HIVEP3: variants seen among roughly 807,000 people sequenced by gnomAD.
HIVEP3 encodes the protein transcription factor HIVEP3.
HIVEP3 carries 49 observed loss-of-function variants against 152.8 expected under a neutral mutation model. That is an observed-to-expected ratio of 0.32 (90% confidence interval 0.26 to 0.41). HIVEP3 has a LOEUF of 0.41. Among genes scored for constraint, HIVEP3 ranks in the 10% least tolerant of loss-of-function variants. The pLI is 1.00. For synonymous variants in HIVEP3, 1,269 were observed against 1,289.0 expected (o/e 0.98, Z 0.33); for missense variants, 2,790 against 3,103.3 (o/e 0.90, Z 2.40).
intron 1 of HIVEP3, among the ~76,000 whole-genome samples, chr1:41,721,238 A>G (rs921026976): frequency 6.7e-6 from 1 of 150,058 alleles, no homozygotes; most frequent in Non-Finnish European, 1.5e-5. Flanking sequence ...TTTCAGTTTC[A>G]CTATTGTCGC....
At chr1:41,723,500 AC>A (rs1378685976) in intron 1 of HIVEP3, among the ~76,000 whole-genome samples, 1,198 of 102,552 alleles carry the variant, frequency 0.012, 15 homozygotes, top group African/African-American at 0.07. Flanking sequence ...ACACACAGCC[AC>A]CACACACACA....
At chr1:41,649,268 G>A (rs1320142563) in intron 2 of HIVEP3, among the ~76,000 whole-genome samples, 1 of 152,222 alleles carries the variant, frequency 6.6e-6, no homozygotes, top group Non-Finnish European at 1.5e-5. Flanking sequence ...GGTAACACAT[G>A]TGGAAACACT....
upstream of HIVEP3, among the ~76,000 whole-genome samples, chr1:41,922,375 C>A (rs1343054191): frequency 1.3e-5 from 2 of 152,194 alleles, no homozygotes; most frequent in Non-Finnish European, 2.9e-5. Context: ...ATTCTACCAG[C>A]TGCCAAACTA....
chr1:41,750,965 C>T (rs536779949), intron 1 of HIVEP3, among the ~76,000 whole-genome samples: 14 of 152,238 alleles, frequency 9.2e-5, no homozygotes, highest in African/African-American at 2.7e-4. Flanking sequence ...CCATCCATCT[C>T]GGCCTCCCAA....
intron 1 of HIVEP3, among the ~76,000 whole-genome samples, chr1:42,013,210 T>G (rs1645503304): frequency 6.6e-6 from 1 of 152,156 alleles, no homozygotes; most frequent in Non-Finnish European, 1.5e-5. Flanking sequence ...GTGTCCAAAT[T>G]TCTACTTTTT....
chr1:41,885,952 C>CAGTG (rs778843308), intron 1 of HIVEP3, among the ~76,000 whole-genome samples: 35 of 152,266 alleles, frequency 2.3e-4, no homozygotes, highest in Non-Finnish European at 4.9e-4. Flanking sequence ...AGGCTCAGAG[C>CAGTG]AGTGAGGTGC....
At chr1:41,648,522 T>C (rs1045405133) in intron 2 of HIVEP3, among the ~76,000 whole-genome samples, 3 of 152,180 alleles carry the variant, frequency 2.0e-5, no homozygotes, top group Non-Finnish European at 4.4e-5. Flanking sequence ...ACAGAGATGA[T>C]CAATAGCAAA....
intron 1 of HIVEP3, among the ~76,000 whole-genome samples, chr1:41,768,395 C>G (rs1276719944): frequency 6.6e-6 from 1 of 152,226 alleles, no homozygotes; most frequent in Non-Finnish European, 1.5e-5. Context: ...CACCAGGTTC[C>G]TCCCATGACA....
rs189655590 is a variant in HIVEP3 at position 42,009,225 on chromosome 1, T to C, written n.119+26582A>G. Among the ~76,000 whole-genome samples the C allele has an allele frequency of 1.2e-3, 178 of 152,354 alleles. 1 individual carries two copies. The highest frequency in any genetic ancestry group is 1.3e-3 in the Non-Finnish European group (91 of 68,028). ...TTATGCCATTGTCTACTGGTATCTATTGTATCGATTACTGAAGTAATATGT... is the reference window on the plus strand; with the variant it reads ...TTATGCCATTGTCTACTGGTATCTACTGTATCGATTACTGAAGTAATATGT... On this transcript the variant is annotated intron_variant and non_coding_transcript_variant, in intron 1 of 3. Coordinates refer to the HIVEP3 transcript ENST00000489103.
chr1:41,882,636 A>G (rs1644281032), intron 1 of HIVEP3, among the ~76,000 whole-genome samples: 1 of 152,228 alleles, frequency 6.6e-6, no homozygotes, highest in African/African-American at 2.4e-5. Flanking sequence ...CATACCACCC[A>G]TCACATTGGA....
At chr1:41,602,486 A>G (rs1453763587) in intron 3 of HIVEP3, among the ~76,000 whole-genome samples, 2 of 152,088 alleles carry the variant, frequency 1.3e-5, no homozygotes, top group East Asian at 1.9e-4. Context: ...TTTTTCTGGG[A>G]ACATATCCAT....
At chr1:41,592,868 C>T (rs928753753) in intron 3 of HIVEP3, among the ~76,000 whole-genome samples, 9 of 152,196 alleles carry the variant, frequency 5.9e-5, no homozygotes, top group Non-Finnish European at 1.3e-4. Flanking sequence ...CCCAGGGATC[C>T]GCATGTATCC....
At chr1:41,985,560 G>A (rs1316018899) in intron 1 of HIVEP3, among the ~76,000 whole-genome samples, 2 of 152,112 alleles carry the variant, frequency 1.3e-5, no homozygotes, top group Non-Finnish European at 1.5e-5. Context: ...CCATCATGAG[G>A]GCGGATTAAT....
intron 1 of HIVEP3, among the ~76,000 whole-genome samples, chr1:41,836,560 C>A (rs537067381): frequency 1.3e-5 from 2 of 152,328 alleles, no homozygotes; most frequent in South Asian, 4.1e-4. Flanking sequence ...TCTCAGTTCC[C>A]ACAGCAAGAG....
chr1:41,832,139 C>T (rs985248257), intron 1 of HIVEP3, among the ~76,000 whole-genome samples: 1 of 152,332 alleles, frequency 6.6e-6, no homozygotes, highest in Non-Finnish European at 1.5e-5. Context: ...ATGGCTCAGG[C>T]TTTCAGTTGT....
At chr1:41,969,179 T>G (rs1645215502) in intron 1 of HIVEP3, among the ~76,000 whole-genome samples, 1 of 152,156 alleles carries the variant, frequency 6.6e-6, no homozygotes, top group Admixed American at 6.5e-5. Flanking sequence ...AAACTACCAT[T>G]GACATTCTTC....
At chr1:41,767,403 C>G (rs1648081377) in intron 1 of HIVEP3, among the ~76,000 whole-genome samples, 1 of 152,184 alleles carries the variant, frequency 6.6e-6, no homozygotes, top group African/African-American at 2.4e-5. Flanking sequence ...AGGTAGGCTC[C>G]CCTCCTTTAG....
chr1:41,870,955 C>A (rs1020014529), intron 1 of HIVEP3, among the ~76,000 whole-genome samples: 2 of 152,222 alleles, frequency 1.3e-5, no homozygotes, highest in African/African-American at 4.8e-5. Context: ...CAGATAATTT[C>A]ATTAACAAGT....
intron 3 of HIVEP3, among the ~76,000 whole-genome samples, chr1:41,590,164 A>G (rs1284101752): frequency 3.3e-5 from 5 of 152,258 alleles, no homozygotes; most frequent in Non-Finnish European, 4.4e-5. Context: ...AGATATAAGC[A>G]TATGGGTCTG....
Sources: gnomAD v4.1 joint callset for allele counts (sites outside exome capture counted in the v4.1 genomes callset) on GRCh38, gnomAD v4.1.1 for gene constraint, MANE v1.5 for transcripts, NCBI Gene and HGNC (gene_info 2026-07-23, HGNC 2026-07-21) for gene names.